UST: variants seen among roughly 807,000 people sequenced by gnomAD.
UST encodes uronyl 2-sulfotransferase, also known as chondroitin sulfate 2-O-sulfotransferase.
Under a neutral mutation model 45.6 loss-of-function variants are expected in UST, and 21 were observed. That is an observed-to-expected ratio of 0.46 (90% CI 0.33 to 0.66). The LOEUF (loss-of-function observed/expected upper bound fraction) is 0.66. UST is among the 30% of genes least tolerant of loss of function. UST has a pLI of 0.02. For synonymous variants in UST, 215 were observed against 200.6 expected, an observed-to-expected ratio of 1.07 and a Z score of -0.61; for missense variants, 463 against 512.4, an observed-to-expected ratio of 0.90 and a Z score of 0.93.
At chr6:148,765,052 A>G (rs1408852846) in intron 1 of UST, among the ~76,000 whole-genome samples, 1 of 152,182 alleles carries the variant, frequency 6.6e-6, no homozygotes, top group African/African-American at 2.4e-5. Flanking sequence ...CTGGGGAAAG[A>G]ATTTAGCGGT....
At position 148,762,002 on chromosome 6, in the gene UST, G is replaced by T. The variant is rs559746229; in HGVS notation, c.247+14325G>T. Among the ~76,000 whole-genome samples the T allele has an allele frequency of 8.7e-4, 133 of 152,286 alleles. 1 individual carries two copies. The highest frequency in any genetic ancestry group is 3.2e-3 in the African/African-American group (131 of 41,560). On this transcript the variant is annotated intron_variant, in intron 1 of 7. Coordinates refer to ENST00000367463, the MANE Select transcript of UST (RefSeq NM_005715.3). ...GGCGCAGTGTCTTTATTTTGTTTTGGCAGATAACAGGATTGAGGCCACCTT... is the reference window on the plus strand; with the variant it reads ...GGCGCAGTGTCTTTATTTTGTTTTGTCAGATAACAGGATTGAGGCCACCTT...
chr6:148,961,055 A>G (rs545353026), intron 4 of UST, among the ~76,000 whole-genome samples: 5 of 152,328 alleles, frequency 3.3e-5, no homozygotes, highest in Non-Finnish European at 7.3e-5. Flanking sequence ...TCTCAGAGTG[A>G]GAAACATGCA....
chr6:149,053,724 G>A (rs1428910249), intron 7 of UST, among the ~76,000 whole-genome samples: 1 of 152,208 alleles, frequency 6.6e-6, no homozygotes, highest in Non-Finnish European at 1.5e-5. Flanking sequence ...GGAATTATGT[G>A]CTCAGTTGCA....
intron 2 of UST, among the ~76,000 whole-genome samples, chr6:148,891,939 G>A (rs73778941): frequency 0.12 from 18,278 of 152,134 alleles, 1,210 homozygotes; most frequent in African/African-American, 0.13. Flanking sequence ...TGTATATAAA[G>A]TAAATTTTGG....
intron 1 of UST, among the ~76,000 whole-genome samples, chr6:148,810,417 C>T (rs924000162): frequency 1.3e-5 from 2 of 152,194 alleles, no homozygotes; most frequent in African/African-American, 4.8e-5. Context: ...TTAAGTTTGT[C>T]TTTTCCTATG....
intron 7 of UST, among the ~76,000 whole-genome samples, chr6:149,028,661 G>A (rs1366814215): frequency 6.6e-6 from 1 of 152,144 alleles, no homozygotes; most frequent in East Asian, 1.9e-4. Flanking sequence ...CAATTGCAAG[G>A]AATAAGTTAA....
chr6:148,964,363 T>C, intron 4 of UST, 47 bp from the exon 5 acceptor site: 6 of 1,604,632 alleles, frequency 3.7e-6, no homozygotes, highest in Non-Finnish European at 5.1e-6. Context: ...TAGGCCCTGT[T>C]TTCGTCCTGC....
intron 7 of UST, among the ~76,000 whole-genome samples, chr6:149,030,935 A>G (rs2115025507): frequency 6.6e-6 from 1 of 152,320 alleles, no homozygotes; most frequent in East Asian, 1.9e-4. Context: ...TGGGCTGGGC[A>G]TGCTGGCTCA....
In UST at chr6:149,073,885, T is replaced by C; in HGVS notation, c.990T>C (p.Ser330=). The change falls in exon 8 of 8, where the codon TCT becomes TCC. Residue 330 remains serine (S), a synonymous_variant. Transcript: ENST00000367463. ...MTVTVKKTVP[S]PEAVQILYQR... is the part of the protein sequence containing the mutation. ...TGACGGTGAAGAAGACTGTCCCCTC[T>C]CCTGAGGCTGTGCAGATCCTCTACC... is the stretch of plus-strand genomic sequence containing the variant. 6.2e-7 allele frequency: 1 copy of C among 1,614,132 alleles called. No individual in the cohort carries two copies. Among genetic ancestry groups the C allele is most frequent in the African/African-American group, 1.3e-5 (1 of 75,026 alleles).
intron 7 of UST, among the ~76,000 whole-genome samples, chr6:149,029,562 T>G (rs1337987820): frequency 6.7e-6 from 1 of 150,334 alleles, no homozygotes; most frequent in Non-Finnish European, 1.5e-5. Context: ...TTAGAAAGCC[T>G]GAATTAAACA....
intron 5 of UST, 128 bp downstream of exon 5, chr6:148,964,691 G>T: frequency 8.0e-7 from 1 of 1,245,648 alleles, no homozygotes; most frequent in East Asian, 2.5e-5. Flanking sequence ...GCGCAGAGAG[G>T]GTGCTTCCGC....
intron 1 of UST, among the ~76,000 whole-genome samples, chr6:148,819,346 A>G (rs1045609230): frequency 2.0e-5 from 3 of 152,230 alleles, no homozygotes; most frequent in African/African-American, 7.2e-5. Context: ...AGGACAAAAT[A>G]CGATTTGACA....
intron 3 of UST, among the ~76,000 whole-genome samples, chr6:148,946,867 A>G (rs1320047625): frequency 6.9e-6 from 1 of 145,250 alleles, no homozygotes; most frequent in Non-Finnish European, 1.5e-5. Context: ...TTTTTACAGC[A>G]GATTTCTCTG....
intron 2 of UST, among the ~76,000 whole-genome samples, chr6:148,929,474 G>A (rs975977758): frequency 1.5e-4 from 23 of 152,272 alleles, no homozygotes; most frequent in African/African-American, 5.3e-4. Context: ...ATTCTGCATG[G>A]GATGGCTGGA....
chr6:148,864,407 C>A (rs1778385080), intron 1 of UST, among the ~76,000 whole-genome samples: 1 of 152,236 alleles, frequency 6.6e-6, no homozygotes, highest in South Asian at 2.1e-4. Flanking sequence ...TGCGTCACAG[C>A]TTCCCTTGGC....
intron 1 of UST, among the ~76,000 whole-genome samples, chr6:148,780,376 A>G (rs1776621048): frequency 6.6e-6 from 1 of 152,030 alleles, no homozygotes; most frequent in African/African-American, 2.4e-5. Context: ...AGATTATTTC[A>G]TCACCCAGGT....
In UST at chr6:149,058,123, G is replaced by A. The variant is rs180722281; in HGVS notation, c.938-15710G>A. ...TTCCCAAGGGCTTTCTGATGATCCT[G>A]TGTGGATCTAGATAGTAGCTTGATC... is the stretch of plus-strand genomic sequence containing the variant. On this transcript the variant is annotated intron_variant, in intron 7 of 7. Transcript: ENST00000367463. Among the ~76,000 whole-genome samples the A allele has an allele frequency of 5.3e-5, 8 of 152,324 alleles. No homozygotes were observed. In the East Asian group the frequency reaches 1.3e-3, roughly 26 times the overall value.
chr6:148,879,302 C>T (rs1778780724), intron 1 of UST, among the ~76,000 whole-genome samples: 1 of 152,162 alleles, frequency 6.6e-6, no homozygotes, highest in South Asian at 2.1e-4. Flanking sequence ...TGACAAGAAG[C>T]TTGTTTTGTA....
intron 2 of UST, among the ~76,000 whole-genome samples, chr6:148,923,574 A>G (rs950593442): frequency 6.6e-6 from 1 of 152,246 alleles, no homozygotes; most frequent in African/African-American, 2.4e-5. Context: ...GCAAAATGCT[A>G]GAGTCTCTTC....
Sources: gnomAD v4.1 joint callset for allele counts (sites outside exome capture counted in the v4.1 genomes callset) on GRCh38, gnomAD v4.1.1 for gene constraint, MANE v1.5 for transcripts, NCBI Gene and HGNC (gene_info 2026-07-23, HGNC 2026-07-21) for gene names.